NCKAP5: variants seen among roughly 807,000 people sequenced by gnomAD.
NCKAP5 encodes the protein nck-associated protein 5.
Under a neutral mutation model 167.0 loss-of-function variants are expected in NCKAP5, and 92 were observed. The observed-to-expected ratio is 0.55, with a 90% CI of 0.47 to 0.66. The LOEUF (loss-of-function observed/expected upper bound fraction) is 0.66. Ranked by LOEUF, NCKAP5 falls within the 30% of genes least tolerant of loss-of-function variation. The pLI, the probability that NCKAP5 is intolerant of heterozygous loss-of-function variation, is 0.00. For synonymous variants in NCKAP5, 891 were observed against 877.4 expected (o/e 1.02, Z -0.27); for missense variants, 2,378 against 2,315.0 (o/e 1.03, Z -0.56).
In NCKAP5 at chr2:132,917,080, A is replaced by G. The variant is rs1363316424; in HGVS notation, c.580-38164T>C. Among the ~76,000 whole-genome samples, 10 of 152,190 alleles carry G rather than the reference A, an allele frequency of 6.6e-5. No individual in the cohort carries two copies. The East Asian group carries it at 1.7e-3, about 26-fold the overall frequency. On this transcript the variant is annotated intron_variant, in intron 8 of 19. Transcript: ENST00000409261. ...GTGTGCTTTATTTAATTCTCACAAT[A>G]ATCATATGACATAGGAACTCTTAAC...
intron 3 of NCKAP5, among the ~76,000 whole-genome samples, chr2:133,336,686 C>A (rs1165227873): frequency 6.6e-6 from 1 of 152,182 alleles, no homozygotes; most frequent in Non-Finnish European, 1.5e-5. Context: ...AGTCTCAATT[C>A]CAGCTCCGCT....
chr2:133,534,515 G>T (rs118101621), intron 2 of NCKAP5, among the ~76,000 whole-genome samples: 1 of 151,856 alleles, frequency 6.6e-6, no homozygotes, highest in Non-Finnish European at 1.5e-5. Context: ...CCCAGCCCCC[G>T]GCAACCATTC....
At chr2:132,676,548 T>A (rs1684524090) in intron 19 of NCKAP5, among the ~76,000 whole-genome samples, 1 of 152,158 alleles carries the variant, frequency 6.6e-6, no homozygotes, top group South Asian at 2.1e-4. Flanking sequence ...CATTGTCTTG[T>A]CAGATCTCAG....
chr2:133,551,056 C>T (rs1449974967), intron 2 of NCKAP5, among the ~76,000 whole-genome samples: 1 of 150,966 alleles, frequency 6.6e-6, no homozygotes, highest in Non-Finnish European at 1.5e-5. Flanking sequence ...AGGACCTCTT[C>T]AAGGAGAACT....
chr2:133,264,699 G>T (rs1414813654), intron 4 of NCKAP5, among the ~76,000 whole-genome samples: 1 of 152,182 alleles, frequency 6.6e-6, no homozygotes, highest in Non-Finnish European at 1.5e-5. Context: ...AAATGCTACA[G>T]AACAAAGTTC....
chr2:132,821,540 G>A (rs896887835), intron 11 of NCKAP5, among the ~76,000 whole-genome samples: 3 of 152,138 alleles, frequency 2.0e-5, no homozygotes, highest in African/African-American at 7.2e-5. Flanking sequence ...CTCTTGAGTG[G>A]AGTCCAGGGG....
intron 8 of NCKAP5, among the ~76,000 whole-genome samples, chr2:132,895,236 C>T (rs1693076598): frequency 6.6e-6 from 1 of 151,034 alleles, no homozygotes; most frequent in East Asian, 2.0e-4. Flanking sequence ...GAGGCTGAGG[C>T]AGGAGAATAG....
intron 19 of NCKAP5, among the ~76,000 whole-genome samples, chr2:132,682,262 G>C (rs956565886): frequency 5.9e-5 from 9 of 152,144 alleles, no homozygotes; most frequent in Non-Finnish European, 1.3e-4. Flanking sequence ...AGACATGCTG[G>C]TGGGGAGGTT....
intron 6 of NCKAP5, among the ~76,000 whole-genome samples, chr2:133,129,099 T>TA (rs2082505173): frequency 6.6e-6 from 1 of 150,552 alleles, no homozygotes; most frequent in African/African-American, 2.5e-5. Context: ...GGCCTTTTTT[T>TA]TTTTTATTAT....
At chr2:133,557,503 T>G (rs911338787) in intron 2 of NCKAP5, among the ~76,000 whole-genome samples, 9 of 152,270 alleles carry the variant, frequency 5.9e-5, no homozygotes, top group South Asian at 4.1e-4. Context: ...GAGAGAGAGA[T>G]AATGAAATTA....
At chr2:133,594,608 T>C in the NCKAP5 span, among the ~76,000 whole-genome samples, 1 of 152,178 alleles carries the variant, frequency 6.6e-6, no homozygotes, top group African/African-American at 2.4e-5. Context: ...CCCTGATTGC[T>C]CTTAATAGTC....
chr2:132,855,722 C>G (rs1441041606), intron 11 of NCKAP5, among the ~76,000 whole-genome samples: 1 of 152,206 alleles, frequency 6.6e-6, no homozygotes, highest in African/African-American at 2.4e-5. Context: ...CTTCTTTACT[C>G]ACTCACCTAC....
chr2:133,186,580 C>T (rs1012265254), intron 5 of NCKAP5, among the ~76,000 whole-genome samples: 1 of 152,010 alleles, frequency 6.6e-6, no homozygotes, highest in African/African-American at 2.4e-5. Flanking sequence ...CAATCTGGTC[C>T]AGGGCTCTTT....
At position 133,400,412 on chromosome 2, in the gene NCKAP5, T is replaced by A. The variant is rs145927146; in HGVS notation, c.70-97302A>T. Among the ~76,000 whole-genome samples, 780 of 152,208 alleles carry A rather than the reference T, an allele frequency of 5.1e-3. 4 individuals are homozygous for A. Among genetic ancestry groups the A allele is most frequent in the Middle Eastern group, 0.017 (5 of 294 alleles). On this transcript the variant is annotated intron_variant, in intron 3 of 19. Transcript: ENST00000409261. ...GATCTCCAGATGAGATCATCCTGGATTACTGGTGGGCCCCAAATCCAAAGA... is the reference window on the plus strand; with the variant it reads ...GATCTCCAGATGAGATCATCCTGGAATACTGGTGGGCCCCAAATCCAAAGA...
At chr2:132,977,428 T>C (rs1001583059) in intron 7 of NCKAP5, among the ~76,000 whole-genome samples, 2 of 152,166 alleles carry the variant, frequency 1.3e-5, no homozygotes, top group Admixed American at 6.6e-5. Flanking sequence ...CGCTTATCCT[T>C]TAACTGACAC....
At chr2:133,308,526 T>G (rs866508097) in intron 3 of NCKAP5, among the ~76,000 whole-genome samples, 1 of 152,018 alleles carries the variant, frequency 6.6e-6, no homozygotes, top group Non-Finnish European at 1.5e-5. Flanking sequence ...ATGTAGAAAC[T>G]CCCTGTCTAG....
rs576668071 is a variant in NCKAP5, at chr2:132,710,021, AT to A, written c.5713+15605del. On this transcript the variant is annotated intron_variant, in intron 19 of 19. Coordinates refer to ENST00000409261, the MANE Select transcript of NCKAP5 (RefSeq NM_207363.3). ...CTAAACGGATCATTATTTACAAAAA[AT>A]ATCATAGCTATATAGGGTTTATCTC... is the stretch of plus-strand genomic sequence containing the variant. Among the ~76,000 whole-genome samples the A allele has an allele frequency of 5.3e-5, 8 of 152,280 alleles. No homozygotes were observed. The South Asian group carries it at 1.7e-3, about 32-fold the overall frequency.
At chr2:133,058,470 A>T (rs1318906493) in intron 6 of NCKAP5, among the ~76,000 whole-genome samples, 1 of 152,218 alleles carries the variant, frequency 6.6e-6, no homozygotes, top group Non-Finnish European at 1.5e-5. Context: ...GTTTGGAAGA[A>T]GTTTATTCCA....
chr2:133,158,184 G>A (rs2083647612), intron 5 of NCKAP5, among the ~76,000 whole-genome samples: 1 of 152,116 alleles, frequency 6.6e-6, no homozygotes, highest in African/African-American at 2.4e-5. Flanking sequence ...GGTTTTCACT[G>A]GAATCTATTT....
Sources: allele counts gnomAD v4.1 joint callset (sites outside exome capture counted in the v4.1 genomes callset), GRCh38; gene constraint gnomAD v4.1.1; transcripts MANE v1.5; gene names NCBI Gene and HGNC (gene_info 2026-07-23, HGNC 2026-07-21).